Variants in B4GALNT4 observed in about 807,000 individuals in gnomAD.
B4GALNT4 encodes the protein N-acetyl-beta-glucosaminyl-glycoprotein 4-beta-N-acetylgalactosaminyltransferase 1.
Under a neutral mutation model 110.0 loss-of-function variants are expected in B4GALNT4, and 77 were observed. That is an observed-to-expected ratio of 0.70 (90% CI 0.58 to 0.85). The LOEUF (loss-of-function observed/expected upper bound fraction) is 0.85. B4GALNT4 is among the 40% of genes least tolerant of loss of function. The pLI is 0.00. For synonymous variants in B4GALNT4, 785 were observed against 655.5 expected, an observed-to-expected ratio of 1.20 and a Z score of -3.02; for missense variants, 1,575 against 1,506.0, an observed-to-expected ratio of 1.05 and a Z score of -0.76.
chr11:379,429 T>G lies in B4GALNT4; in HGVS notation c.2216T>G (p.Leu739Arg). 1 of 1,528,038 alleles carries G rather than the reference T, an allele frequency of 6.5e-7. No individual in the cohort carries two copies. The highest frequency in any genetic ancestry group is 1.2e-5 in the South Asian group (1 of 83,328). 94.7% of individuals were successfully genotyped at this position (1,528,038 alleles called of 1,614,324 possible). A position where few individuals can be genotyped will look rare whatever the true frequency, so the allele number is the denominator to read the frequency against. The change falls in exon 15 of 20, where the codon CTT (leucine) becomes CGT (arginine). Residue 739 changes from leucine (L) to arginine (R), a missense_variant. Physicochemically the swap from Leu to Arg is moderately radical, Grantham distance 102 (BLOSUM62 -2). Coordinates refer to ENST00000329962, the MANE Select transcript of B4GALNT4 (RefSeq NM_178537.5). ...LNARHGGRFA[L>R]LRIVNVEKRR... ...GCTGAGCCTTGCAGGCGCTTCGCGCTTCTGCGCATCGTGAACGTGGAGAAG... is the reference window on the plus strand; with the variant it reads ...GCTGAGCCTTGCAGGCGCTTCGCGCGTCTGCGCATCGTGAACGTGGAGAAG...
At position 380,929 on chromosome 11, in the gene B4GALNT4, G is replaced by A. The variant is rs1183838471; in HGVS notation, c.2974G>A (p.Glu992Lys). The change falls in exon 19 of 20, where the codon GAA becomes AAA. Residue 992 changes from glutamate to lysine, a missense_variant. Glu to Lys is a moderately conservative substitution (Grantham distance 56). Coordinates refer to ENST00000329962, the MANE Select transcript of B4GALNT4 (RefSeq NM_178537.5). ...GGAGTTCCGAGACCAGTGGGGGGGT[G>A]AAGACTGGGAGCTCCTGGACAGGTG... ...TEEFRDQWGG[E>K]DWELLDRVLQ... 8 of 1,613,006 alleles carry A rather than the reference G, an allele frequency of 5.0e-6. No homozygotes were observed. The South Asian group carries it at 8.8e-5, about 18-fold the overall frequency.
Position 377,336 on chromosome 11 carries a change from G to T in B4GALNT4, c.2204+9G>T. On this transcript the variant is annotated intron_variant, in intron 14 of 19. Coordinates refer to ENST00000329962, the MANE Select transcript of B4GALNT4 (RefSeq NM_178537.5). ...AACGCGCGCCACGGCGGGTATGGGG[G>T]CGGCCGAACGCGCGCCAGGGCGGTT... The T allele has an allele frequency of 6.7e-7, 1 of 1,500,536 alleles. No individual in the cohort carries two copies. The highest frequency in any genetic ancestry group is 8.9e-7 in the Non-Finnish European group (1 of 1,129,816). The allele number at this position is 1,500,536 out of a possible 1,614,324, so 93.0% of individuals were successfully genotyped here.
chr11:373,896 C>A, intron 8 of B4GALNT4, 68 bp downstream of exon 8: 1 of 1,492,726 alleles, frequency 6.7e-7, no homozygotes, highest in Non-Finnish European at 9.2e-7. Context: ...AGGACAACCG[C>A]AATGGGGTCC....
At chr11:380,045 C>T in intron 16 of B4GALNT4, 26 bp downstream of exon 16, 1 of 1,606,902 alleles carries the variant, frequency 6.2e-7, no homozygotes, top group Non-Finnish European at 8.5e-7. Flanking sequence ...TCCACCTGGG[C>T]GGACCCAGCG....
Position 376,464 on chromosome 11 carries a change from G to A in B4GALNT4, c.1341G>A (p.Leu447=), listed in dbSNP as rs1279910458. ...ACGAGGGGGAGCTGCTCGACAGCCT[G>A]GAGCCCACCGAGGCGGCCCCGCCCA... ...DEDEGELLDS[L]EPTEAAPPRS... Residue 447 remains leucine, a synonymous_variant, in exon 14 of 20, where the codon CTG becomes CTA. Transcript: ENST00000329962. 1 of 1,594,410 alleles carries A rather than the reference G, an allele frequency of 6.3e-7. No homozygotes were observed. The highest frequency in any genetic ancestry group is 8.5e-7 in the Non-Finnish European group (1 of 1,177,894).
At chr11:380,492 C>A in intron 18 of B4GALNT4, 47 bp downstream of exon 18, 1 of 1,540,842 alleles carries the variant, frequency 6.5e-7, no homozygotes, top group Non-Finnish European at 8.7e-7. Context: ...TTCCCACCAA[C>A]CGCCGCGGTA....
rs1846778030 is a variant in B4GALNT4 at position 377,281 on chromosome 11, G to A, written c.2158G>A (p.Asp720Asn). The A allele has an allele frequency of 5.0e-6, 8 of 1,591,420 alleles. No homozygotes were observed. Among genetic ancestry groups the A allele is most frequent in the African/African-American group, 1.3e-5 (1 of 74,518 alleles). Residue 720 changes from aspartate (D) to asparagine (N), a missense_variant, in exon 14 of 20, where the codon GAC (aspartate) becomes AAC (asparagine). Asp to Asn is a conservative substitution (Grantham distance 23). Transcript: ENST00000329962. The stretch of plus-strand genomic sequence containing the variant: ...GCAGCTGCCGGAGGCGGAGGCCGTG[G>A]ACGTGACCGCTCAGTACATGGAGCG... Reference protein sequence around the residue: ...NLQLPEAEAVDVTAQYMERLN... With the variant: ...NLQLPEAEAVNVTAQYMERLN...
At chr11:380,697 C>G in intron 18 of B4GALNT4, 128 bp from the exon 19 acceptor site, 2 of 1,480,680 alleles carry the variant, frequency 1.4e-6, no homozygotes, top group Non-Finnish European at 1.9e-6. Context: ...CACCGGACGA[C>G]TCCCGGAAGC....
At chr11:379,125 C>T (rs143914407) in intron 14 of B4GALNT4, among the ~76,000 whole-genome samples, 4 of 152,296 alleles carry the variant, frequency 2.6e-5, no homozygotes, top group East Asian at 3.9e-4. Context: ...ACAGGACAGG[C>T]GGGCATGTCA....
In B4GALNT4 at chr11:379,491, G is replaced by C; in HGVS notation, c.2278G>C (p.Glu760Gln). The C allele has an allele frequency of 6.3e-7, 1 of 1,575,038 alleles. No individual in the cohort carries two copies. The highest frequency in any genetic ancestry group is 1.8e-5 in the Admixed American group (1 of 54,542). The change falls in exon 15 of 20, where the codon GAG becomes CAG. Residue 760 changes from glutamate (E) to glutamine (Q), a missense_variant. Transcript: ENST00000329962. ...DSARGSRFLLELELQERGGGR... is the reference protein window; with the variant it reads ...DSARGSRFLLQLELQERGGGR... ...GGCGCGAGGGAGTCGCTTCCTGCTG[G>C]AGCTGGAGCTGCAGGAGCGCGGGGG...
At chr11:379,266 TGG>T in intron 14 of B4GALNT4, 150 bp from the exon 15 acceptor site, 1 of 859,030 alleles carries the variant, frequency 1.2e-6, no homozygotes, top group Non-Finnish European at 1.7e-6. Context: ...ACCTGCCTGC[TGG>T]GCCAACCTGG....
chr11:375,537 G>C lies in B4GALNT4; in HGVS notation c.850+10G>C. On this transcript the variant is annotated intron_variant, in intron 9 of 19. Transcript: ENST00000329962. Reference sequence around the variant, plus strand: ...ATCTCCCTGTACACAGGTGCGAGCGGACGCCTCTGGGGATGTGGGGCTCCT... The same window carrying C: ...ATCTCCCTGTACACAGGTGCGAGCGCACGCCTCTGGGGATGTGGGGCTCCT... 6.2e-7 allele frequency: 1 copy of C among 1,609,460 alleles called. No homozygotes were observed. Among genetic ancestry groups the C allele is most frequent in the Non-Finnish European group, 8.5e-7 (1 of 1,179,760 alleles).
Position 371,336 on chromosome 11 carries a change from C to T in B4GALNT4, c.152-773C>T, listed in dbSNP as rs1027149384. ...GACCCTTCCCAGATCTGCCTGTGGA[C>T]ATCTCTACTGCCTCCCCACAAGCCT... is the stretch of plus-strand genomic sequence containing the variant. On this transcript the variant is annotated intron_variant, in intron 1 of 19. Coordinates refer to ENST00000329962, the MANE Select transcript of B4GALNT4 (RefSeq NM_178537.5). Among the ~76,000 whole-genome samples the T allele has an allele frequency of 2.0e-5, 3 of 152,160 alleles. No individual in the cohort carries two copies. In the South Asian group the frequency reaches 6.2e-4, roughly 32 times the overall value.
At chr11:370,511 C>A (rs1590332935) in intron 1 of B4GALNT4, among the ~76,000 whole-genome samples, 1 of 152,160 alleles carries the variant, frequency 6.6e-6, no homozygotes. Flanking sequence ...TGGGGCCCAG[C>A]TTGGGGAGCC....
intron 18 of B4GALNT4, 130 bp from the exon 19 acceptor site, chr11:380,695 G>A (rs776435469): frequency 1.1e-5 from 16 of 1,463,590 alleles, no homozygotes; most frequent in Non-Finnish European, 1.5e-5. Flanking sequence ...ACCACCGGAC[G>A]ACTCCCGGAA....
At chr11:373,386 G>A in intron 6 of B4GALNT4, 63 bp from the exon 7 acceptor site, 1 of 1,544,734 alleles carries the variant, frequency 6.5e-7, no homozygotes, top group Non-Finnish European at 8.9e-7. Context: ...CGATGGGTTT[G>A]GTGTCCCCAG....
At chr11:379,325 A>G in intron 14 of B4GALNT4, 93 bp from the exon 15 acceptor site, 1 of 1,359,230 alleles carries the variant, frequency 7.4e-7, no homozygotes, top group Non-Finnish European at 9.6e-7. Flanking sequence ...GCCAACTCCA[A>G]GTCGGCTGAG....
In B4GALNT4 at chr11:380,354, C is replaced by T; in HGVS notation, c.2778C>T (p.Asp926=). 3 of 1,613,376 alleles carry T rather than the reference C, an allele frequency of 1.9e-6. No homozygotes were observed. Among genetic ancestry groups the T allele is most frequent in the Non-Finnish European group, 2.5e-6 (3 of 1,179,768 alleles). The change falls in exon 18 of 20, where the codon GAC becomes GAT. Residue 926 remains aspartate, a synonymous_variant. Coordinates refer to ENST00000329962, the MANE Select transcript of B4GALNT4 (RefSeq NM_178537.5). ...TCCACTTCCCACCCAACATCCTGGA[C>T]GGCATCCGCAAGCACTGCGTGGAGG... The part of the protein sequence containing the change: ...LHIHFPPNIL[D]GIRKHCVEGR...
Position 376,269 on chromosome 11 carries a change from C to T in B4GALNT4, c.1215C>T (p.Tyr405=), listed in dbSNP as rs1564870345. The change falls in exon 13 of 20, where the codon TAC becomes TAT. Residue 405 remains tyrosine (Y), a synonymous_variant. Transcript: ENST00000329962. ...GCCCCAGGTTTGGGTTCTATAAATA[C>T]ATGAAGATGGACAAGGAGGAGGGGG... ...LYLERFGFYK[Y]MKMDKEEGDE... 3 of 1,609,756 alleles carry T rather than the reference C, an allele frequency of 1.9e-6. No individual in the cohort carries two copies. Among genetic ancestry groups the T allele is most frequent in the Non-Finnish European group, 2.5e-6 (3 of 1,178,056 alleles).
Sources: allele counts gnomAD v4.1 joint callset (sites outside exome capture counted in the v4.1 genomes callset), GRCh38; gene constraint gnomAD v4.1.1; transcripts MANE v1.5; gene names NCBI Gene and HGNC (gene_info 2026-07-23, HGNC 2026-07-21).